TMCO4: variants seen among roughly 807,000 people sequenced by gnomAD.
The protein encoded by TMCO4 is transmembrane and coiled-coil domain-containing protein 4.
Under a neutral mutation model 64.7 loss-of-function variants are expected in TMCO4, and 58 were observed. The ratio of observed to expected loss-of-function variants is 0.90; its 90% CI spans 0.73 to 1.12. The LOEUF (loss-of-function observed/expected upper bound fraction) is 1.12, where lower values mean the gene tolerates loss of function less well. Ranked by LOEUF, TMCO4 falls within the 50% of genes most tolerant of loss-of-function variation. TMCO4 has a pLI of 0.00. For synonymous variants in TMCO4, 325 were observed against 346.1 expected (o/e 0.94, Z 0.68); for missense variants, 780 against 825.9 (o/e 0.94, Z 0.68).
intron 15 of TMCO4, 21 bp downstream of exon 15, chr1:19,694,413 G>A: frequency 6.2e-7 from 1 of 1,606,726 alleles, no homozygotes; most frequent in South Asian, 1.1e-5. Flanking sequence ...AAAGCCCCAG[G>A]AGGAACAGGC....
At chr1:19,697,349 C>T (rs987546832) in intron 14 of TMCO4, among the ~76,000 whole-genome samples, 1 of 152,154 alleles carries the variant, frequency 6.6e-6, no homozygotes, top group Non-Finnish European at 1.5e-5. Context: ...CCTCTGCCTC[C>T]TGGGCTCAAG....
chr1:19,736,860 T>A (rs2100824294), intron 13 of TMCO4, among the ~76,000 whole-genome samples: 1 of 152,288 alleles, frequency 6.6e-6, no homozygotes, highest in Non-Finnish European at 1.5e-5. Flanking sequence ...TATAATTAAG[T>A]AAATGATCTT....
In TMCO4 at chr1:19,747,034, G is replaced by T; in HGVS notation, c.613+129C>A. 1.3e-5 allele frequency: 11 copies of T among 853,462 alleles called. No individual in the cohort carries two copies. The South Asian group carries it at 1.6e-4, about 12-fold the overall frequency. 52.9% of individuals were successfully genotyped at this position (853,462 alleles called of 1,614,324 possible). ...CTGATGAGCACACCGACTACTCACT[G>T]ACTACCTACCACATGCCAGGGGCCA... On this transcript the variant is annotated intron_variant, in intron 8 of 15. Coordinates refer to ENST00000294543, the MANE Select transcript of TMCO4 (RefSeq NM_181719.7).
intron 13 of TMCO4, among the ~76,000 whole-genome samples, chr1:19,715,885 G>A (rs1052364832): frequency 2.6e-5 from 4 of 152,162 alleles, no homozygotes; most frequent in East Asian, 3.9e-4. Context: ...CGGAGGGAGC[G>A]CCCTGGGAGT....
Position 19,742,164 on chromosome 1 carries a change from C to G in TMCO4, c.878-1223G>C, listed in dbSNP as rs111623601. 9.8e-4 allele frequency among the ~76,000 whole-genome samples: 149 copies of G among 152,306 alleles called. 3 individuals are homozygous for G. Among genetic ancestry groups the G allele is most frequent in the African/African-American group, 3.5e-3 (145 of 41,572 alleles). ...CCTTGAGATTCCAGTCCAATCGCCT[C>G]TTCCACGGGGAAGCCTTCCCGGCTC... is the stretch of plus-strand genomic sequence containing the variant. On this transcript the variant is annotated intron_variant, in intron 10 of 15. Transcript: ENST00000294543.
At chr1:19,736,893 G>C (rs1290054383) in intron 13 of TMCO4, among the ~76,000 whole-genome samples, 1 of 152,180 alleles carries the variant, frequency 6.6e-6, no homozygotes, top group Admixed American at 6.5e-5. Flanking sequence ...CCCTGGATGA[G>C]AGTGGGCCCT....
chr1:19,785,655 G>A (rs1025274022), intron 3 of TMCO4, among the ~76,000 whole-genome samples: 4 of 152,198 alleles, frequency 2.6e-5, no homozygotes, highest in Non-Finnish European at 4.4e-5. Flanking sequence ...ATGACAAAGC[G>A]ACCTAAGTTG....
chr1:19,737,256 T>C (rs1171762150), intron 13 of TMCO4, 116 bp downstream of exon 13: 3 of 1,043,748 alleles, frequency 2.9e-6, no homozygotes, highest in Admixed American at 4.6e-5. Context: ...CTTTTAACTA[T>C]TATTTCTAAG....
chr1:19,794,046 C>T lies in TMCO4; in HGVS notation c.-101+4091G>A, dbSNP rs189911309. ...TCTGGCCTGAATTGCCTCTCTGCCCCCCACCCCTGCCGCCTCTCCCATGCT... is the reference window on the plus strand; with the variant it reads ...TCTGGCCTGAATTGCCTCTCTGCCCTCCACCCCTGCCGCCTCTCCCATGCT... On this transcript the variant is annotated intron_variant, in intron 2 of 15. Coordinates refer to ENST00000294543, the MANE Select transcript of TMCO4 (RefSeq NM_181719.7). 1.2e-3 allele frequency among the ~76,000 whole-genome samples: 181 copies of T among 152,112 alleles called. 1 individual carries two copies. The highest frequency in any genetic ancestry group is 4.2e-3 in the African/African-American group (173 of 41,504).
At chr1:19,695,019 C>T (rs2095226430) in intron 14 of TMCO4, among the ~76,000 whole-genome samples, 1 of 152,206 alleles carries the variant, frequency 6.6e-6, no homozygotes, top group African/African-American at 2.4e-5. Flanking sequence ...AGGGGAGGAA[C>T]TCTGGGGTCT....
chr1:19,745,618 T>G lies in TMCO4; in HGVS notation c.791A>C (p.Glu264Ala). 6.2e-7 allele frequency: 1 copy of G among 1,613,766 alleles called. No individual in the cohort carries two copies. The highest frequency in any genetic ancestry group is 8.5e-7 in the Non-Finnish European group (1 of 1,179,782). The change falls in exon 10 of 16, where the codon GAA becomes GCA. Residue 264 changes from glutamate to alanine, a missense_variant. Coordinates refer to ENST00000294543, the MANE Select transcript of TMCO4 (RefSeq NM_181719.7). The part of the protein sequence containing the change: ...YKMKKRVGAI[E>A]EFTFLPLTEG... ...CGTCAGAGGCAGAAACGTGAACTCTTCAATGGCTCCCACTCGCTTCTTCAT... is the reference window on the plus strand; with the variant it reads ...CGTCAGAGGCAGAAACGTGAACTCTGCAATGGCTCCCACTCGCTTCTTCAT...
Position 19,775,329 on chromosome 1 carries a change from G to A in TMCO4, c.180-3847C>T, listed in dbSNP as rs536352962. ...TGACCTCAGGTGATCCACCCGCCTC[G>A]GCCTCCCAAAGTGCTGGGACTACAG... On this transcript the variant is annotated intron_variant, in intron 4 of 15. Transcript: ENST00000294543. 4.3e-4 allele frequency among the ~76,000 whole-genome samples: 66 copies of A among 152,152 alleles called. 1 individual carries two copies. The highest frequency in any genetic ancestry group is 1.5e-3 in the African/African-American group (63 of 41,490).
In TMCO4 at chr1:19,723,893, G is replaced by A. The variant is rs544873419; in HGVS notation, c.1264+13479C>T. On this transcript the variant is annotated intron_variant, in intron 13 of 15. Coordinates refer to ENST00000294543, the MANE Select transcript of TMCO4 (RefSeq NM_181719.7). ...AGCAGAGAGGTCTGACCCCAGAGGC[G>A]AGGCTGGAGCAAGCCCCCAAATTCC... Among the ~76,000 whole-genome samples the A allele has an allele frequency of 4.6e-5, 7 of 152,262 alleles. No homozygotes were observed. In the South Asian group the frequency reaches 6.2e-4, roughly 14 times the overall value.
intron 2 of TMCO4, among the ~76,000 whole-genome samples, chr1:19,791,946 GGGGGTGA>G (rs1221828061): frequency 6.6e-6 from 1 of 152,176 alleles, no homozygotes; most frequent in African/African-American, 2.4e-5. Flanking sequence ...ACTGAATCAT[GGGGGTGA>G]GTCTTTCCTG....
At position 19,780,633 on chromosome 1, in the gene TMCO4, A is replaced by G. The variant is rs147739569; in HGVS notation, c.126T>C (p.Tyr42=). ...ACAGGGAGATGCCACAGAGGGCAGC[A>G]TAGGCGAAGCGGTTGGCCTCAGTCA... ...RELTEANRFA[Y]AALCGISLSQ... is the part of the protein sequence containing the mutation. Residue 42 remains tyrosine, a synonymous_variant, in exon 4 of 16, where the codon TAT becomes TAC. Coordinates refer to ENST00000294543, the MANE Select transcript of TMCO4 (RefSeq NM_181719.7). 5.4e-5 allele frequency: 87 copies of G among 1,613,892 alleles called. No homozygotes were observed. Among genetic ancestry groups the G allele is most frequent in the Non-Finnish European group, 6.9e-5 (81 of 1,179,958 alleles).
intron 10 of TMCO4, among the ~76,000 whole-genome samples, chr1:19,744,472 C>T (rs748653406): frequency 7.9e-5 from 12 of 152,118 alleles, no homozygotes; most frequent in Non-Finnish European, 1.6e-4. Context: ...AGTTATGTAA[C>T]TTGCTGAGGT....
intron 4 of TMCO4, among the ~76,000 whole-genome samples, chr1:19,774,482 G>A (rs932639772): frequency 6.6e-6 from 1 of 152,210 alleles, no homozygotes; most frequent in Non-Finnish European, 1.5e-5. Flanking sequence ...TATTTGTCAT[G>A]TGCTTAGAAC....
chr1:19,769,337 C>T (rs1017146772), intron 6 of TMCO4, among the ~76,000 whole-genome samples: 3 of 152,198 alleles, frequency 2.0e-5, no homozygotes, highest in Non-Finnish European at 2.9e-5. Context: ...TCTCTGCTCT[C>T]CTTGCTGAAG....
chr1:19,750,354 A>G (rs2041973117), intron 7 of TMCO4: 1 of 152,202 alleles, frequency 6.6e-6, no homozygotes, highest in African/African-American at 2.4e-5. Context: ...TGATTCAACA[A>G]ACACGGCCTG....
Sources: gnomAD v4.1 joint callset for allele counts (sites outside exome capture counted in the v4.1 genomes callset) on GRCh38, gnomAD v4.1.1 for gene constraint, MANE v1.5 for transcripts, NCBI Gene and HGNC (gene_info 2026-07-23, HGNC 2026-07-21) for gene names.